The following FAM227B variants were observed in gnomAD, a reference collection of about 807,000 sequenced individuals.
The protein encoded by FAM227B is family with sequence similarity 227 member B, also known as protein FAM227B.
Under a neutral mutation model 73.8 loss-of-function variants are expected in FAM227B, and 88 were observed. The ratio of observed to expected loss-of-function variants is 1.19; its 90% CI spans 1.00 to 1.42. FAM227B has a LOEUF of 1.42. FAM227B is among the 40% of genes most tolerant of loss of function. The pLI is 0.00. For synonymous variants in FAM227B, 210 were observed against 190.5 expected (o/e 1.10, Z -0.84); for missense variants, 632 against 590.9 (o/e 1.07, Z -0.72).
intron 9 of FAM227B, among the ~76,000 whole-genome samples, chr15:49,542,096 T>C (rs1217091148): frequency 6.6e-6 from 1 of 152,184 alleles, no homozygotes; most frequent in Admixed American, 6.5e-5. Flanking sequence ...TTTTAAATTT[T>C]AGTTTTTAAA....
intron 11 of FAM227B, among the ~76,000 whole-genome samples, chr15:49,386,750 A>G (rs533130369): frequency 6.6e-6 from 1 of 151,882 alleles, no homozygotes; most frequent in Non-Finnish European, 1.5e-5. Flanking sequence ...CTGATAGACC[A>G]TTAGCTAGAT....
Position 49,504,447 on chromosome 15 carries a change from TA to T in FAM227B, c.1012+3763del, listed in dbSNP as rs1224444093. On this transcript the variant is annotated intron_variant, in intron 11 of 15. Transcript: ENST00000299338. ...TAATAAAAAAAAAGAAAAGATCAGA[TA>T]TATATTGTTCATAACTTTGTTACTC... is the stretch of plus-strand genomic sequence containing the variant. 4.6e-5 allele frequency among the ~76,000 whole-genome samples: 7 copies of T among 151,788 alleles called. No homozygotes were observed. The East Asian group carries it at 1.4e-3, about 29-fold the overall frequency.
intron 3 of FAM227B, among the ~76,000 whole-genome samples, 195 bp from the exon 4 acceptor site, chr15:49,590,202 T>C (rs1175247117): frequency 2.6e-5 from 4 of 152,208 alleles, no homozygotes; most frequent in Non-Finnish European, 5.9e-5. Context: ...CCTGAATCAT[T>C]TGAGAATAAT....
intron 13 of FAM227B, among the ~76,000 whole-genome samples, chr15:49,341,620 G>GGGATTA (rs1351135738): frequency 6.6e-6 from 1 of 152,138 alleles, no homozygotes. Flanking sequence ...CCAAAGTACT[G>GGGATTA]GGATTACAGG....
At chr15:49,394,336 G>A (rs1204148183) in intron 11 of FAM227B, among the ~76,000 whole-genome samples, 1 of 152,096 alleles carries the variant, frequency 6.6e-6, no homozygotes, top group Non-Finnish European at 1.5e-5. Context: ...ATGTGGTGGT[G>A]GGAATTTGTG....
chr15:49,486,692 T>C (rs576811666), intron 11 of FAM227B: 13 of 152,138 alleles, frequency 8.5e-5, no homozygotes, highest in Non-Finnish European at 1.9e-4. Context: ...TACATAGCAA[T>C]GCTGAATTAG....
chr15:49,426,456 C>CA (rs1567253290), intron 11 of FAM227B, among the ~76,000 whole-genome samples: 1 of 151,502 alleles, frequency 6.6e-6, no homozygotes, highest in East Asian at 1.9e-4. Flanking sequence ...AATGAAAAAG[C>CA]AAAAAAGTAG....
intron 11 of FAM227B, among the ~76,000 whole-genome samples, chr15:49,402,045 C>T (rs1370660802): frequency 6.6e-6 from 1 of 152,140 alleles, no homozygotes; most frequent in Non-Finnish European, 1.5e-5. Context: ...CATTCCAGCT[C>T]TGATCTAGCT....
chr15:49,569,107 T>G (rs2074893794), intron 8 of FAM227B, among the ~76,000 whole-genome samples: 1 of 151,932 alleles, frequency 6.6e-6, no homozygotes, highest in South Asian at 2.1e-4. Flanking sequence ...TCTTGTTAGA[T>G]TGTATGTTTC....
chr15:49,447,778 T>C (rs757638177), intron 11 of FAM227B, among the ~76,000 whole-genome samples: 5 of 151,724 alleles, frequency 3.3e-5, no homozygotes, highest in African/African-American at 4.8e-5. Context: ...TCCAAACTAA[T>C]TCAACTAACT....
chr15:49,552,697 T>C (rs1451395428), intron 9 of FAM227B, among the ~76,000 whole-genome samples: 4 of 152,162 alleles, frequency 2.6e-5, no homozygotes, highest in Non-Finnish European at 5.9e-5. Flanking sequence ...CCTTGTGTTT[T>C]CAAATAGCCT....
chr15:49,432,300 C>T (rs2050686416), intron 11 of FAM227B, among the ~76,000 whole-genome samples: 1 of 151,564 alleles, frequency 6.6e-6, no homozygotes, highest in Admixed American at 6.6e-5. Flanking sequence ...AACACTAGTG[C>T]CCCCTGAGAT....
At chr15:49,407,930 A>G (rs757037432) in intron 11 of FAM227B, among the ~76,000 whole-genome samples, 2 of 152,104 alleles carry the variant, frequency 1.3e-5, no homozygotes, top group Non-Finnish European at 2.9e-5. Flanking sequence ...AAATGGAACC[A>G]TACAGCATGT....
intron 13 of FAM227B, among the ~76,000 whole-genome samples, chr15:49,336,462 C>T (rs535833130): frequency 6.6e-6 from 1 of 152,176 alleles, no homozygotes; most frequent in Non-Finnish European, 1.5e-5. Context: ...ACACTAGGAG[C>T]TCTTAAACCT....
At chr15:49,611,362 A>T in intron 2 of FAM227B, 94 bp from the exon 3 acceptor site, 1 of 643,068 alleles carries the variant, frequency 1.6e-6, no homozygotes, top group Non-Finnish European at 2.7e-6. Flanking sequence ...ATGATACTCT[A>T]TTTATCATTT....
intron 11 of FAM227B, among the ~76,000 whole-genome samples, chr15:49,465,637 T>G (rs2054204720): frequency 6.6e-6 from 1 of 152,174 alleles, no homozygotes; most frequent in Admixed American, 6.5e-5. Context: ...TATTTGGGGT[T>G]CTCTCAACTT....
chr15:49,370,939 G>C (rs2045763020), intron 12 of FAM227B, among the ~76,000 whole-genome samples: 1 of 152,248 alleles, frequency 6.6e-6, no homozygotes, highest in South Asian at 2.1e-4. Flanking sequence ...GTCAACTATT[G>C]TTGATACTCC....
intron 1 of FAM227B, among the ~76,000 whole-genome samples, chr15:49,618,273 A>T (rs1360788628): frequency 6.6e-6 from 1 of 152,210 alleles, no homozygotes; most frequent in African/African-American, 2.4e-5. Context: ...AAAAGGAAAC[A>T]AGGGATCTAA....
chr15:49,466,061 T>C lies in FAM227B; in HGVS notation c.1012+42150A>G, dbSNP rs747905754. Among the ~76,000 whole-genome samples, 9 of 152,326 alleles carry C rather than the reference T, an allele frequency of 5.9e-5. No individual in the cohort carries two copies. The South Asian group carries it at 8.3e-4, about 14-fold the overall frequency. On this transcript the variant is annotated intron_variant, in intron 11 of 15. Transcript: ENST00000299338. Reference sequence around the variant, plus strand: ...AACAATAGAGGTGGGTGCTAATTAATAGTACAGCAGTATGTTCTTAAAGTA... The same window carrying C: ...AACAATAGAGGTGGGTGCTAATTAACAGTACAGCAGTATGTTCTTAAAGTA...
Sources: gnomAD v4.1 joint callset for allele counts (sites outside exome capture counted in the v4.1 genomes callset) on GRCh38, gnomAD v4.1.1 for gene constraint, MANE v1.5 for transcripts, NCBI Gene and HGNC (gene_info 2026-07-23, HGNC 2026-07-21) for gene names.